ELP4: variants seen among roughly 807,000 people sequenced by gnomAD.
The protein encoded by ELP4 is elongator acetyltransferase complex subunit 4, also known as elongator complex protein 4.
In ELP4, 51 loss-of-function variants were observed where a neutral mutation model predicts 48.9. The observed-to-expected ratio is 1.04, with a 90% CI of 0.83 to 1.32. ELP4 has a LOEUF of 1.32. Ranked by LOEUF, ELP4 falls within the 40% of genes most tolerant of loss-of-function variation. ELP4 has a pLI of 0.00. For synonymous variants in ELP4, 210 were observed against 189.2 expected (o/e 1.11, Z -0.90); for missense variants, 519 against 514.6 (o/e 1.01, Z -0.08).
intron 9 of ELP4, among the ~76,000 whole-genome samples, chr11:31,755,228 TAATA>T (rs1947808598): frequency 6.6e-6 from 1 of 152,198 alleles, no homozygotes; most frequent in East Asian, 1.9e-4. Flanking sequence ...CATACTATTG[TAATA>T]AATAAATTAA....
intron 9 of ELP4, among the ~76,000 whole-genome samples, chr11:31,655,112 A>ATT (rs1222056379): frequency 6.6e-6 from 1 of 151,966 alleles, no homozygotes; most frequent in Non-Finnish European, 1.5e-5. Context: ...TGGAAATCTA[A>ATT]TTTTTTACAT....
At chr11:31,637,641 T>G (rs777457311) in intron 7 of ELP4, among the ~76,000 whole-genome samples, 10 of 151,982 alleles carry the variant, frequency 6.6e-5, no homozygotes, top group Non-Finnish European at 1.2e-4. Flanking sequence ...GTGGTAACTT[T>G]AAAGCAGTTA....
intron 4 of ELP4, among the ~76,000 whole-genome samples, chr11:31,603,353 G>T (rs1957815652): frequency 6.6e-6 from 1 of 151,788 alleles, no homozygotes; most frequent in South Asian, 2.1e-4. Context: ...CCTCTTACCA[G>T]TGAATTAATT....
intron 4 of ELP4, 79 bp from the exon 5 acceptor site, chr11:31,603,689 T>G: frequency 1.4e-6 from 2 of 1,443,454 alleles, no homozygotes; most frequent in South Asian, 2.7e-5. Flanking sequence ...AATATGCCAT[T>G]GTTTTGCTGG....
chr11:31,780,668 T>C (rs1293806887), intron 9 of ELP4: 1 of 152,212 alleles, frequency 6.6e-6, no homozygotes, highest in Admixed American at 6.5e-5. Context: ...TTAGCTACTT[T>C]TTCTCTGAAG....
intron 9 of ELP4, among the ~76,000 whole-genome samples, chr11:31,760,777 G>A (rs1006462817): frequency 4.6e-5 from 7 of 152,092 alleles, no homozygotes; most frequent in African/African-American, 7.2e-5. Context: ...ACCCTATTAC[G>A]TTATGATTAT....
At chr11:31,782,069 A>C (rs1948389828) in intron 9 of ELP4, among the ~76,000 whole-genome samples, 1 of 152,136 alleles carries the variant, frequency 6.6e-6, no homozygotes, top group Admixed American at 6.5e-5. Context: ...TTGATCATGC[A>C]TTTGTATAAT....
intron 9 of ELP4, among the ~76,000 whole-genome samples, chr11:31,741,675 A>G (rs1260204296): frequency 6.6e-6 from 1 of 152,246 alleles, no homozygotes; most frequent in African/African-American, 2.4e-5. Context: ...ACAGACCTAC[A>G]GCTGAGGGTC....
intron 9 of ELP4, among the ~76,000 whole-genome samples, chr11:31,722,044 T>C (rs1946973059): frequency 6.6e-6 from 1 of 152,126 alleles, no homozygotes; most frequent in African/African-American, 2.4e-5. Flanking sequence ...TTGTGGAAAA[T>C]ACTGATTGAT....
At chr11:31,732,643 T>A (rs547911101) in intron 9 of ELP4, among the ~76,000 whole-genome samples, 5 of 152,196 alleles carry the variant, frequency 3.3e-5, no homozygotes, top group African/African-American at 1.2e-4. Flanking sequence ...AAAAATAACA[T>A]CCAACTATAT....
intron 9 of ELP4, among the ~76,000 whole-genome samples, chr11:31,743,890 T>TAAAA (rs1196893804): frequency 3.3e-5 from 5 of 151,826 alleles, no homozygotes; most frequent in African/African-American, 4.8e-5. Context: ...AAGAAATAAC[T>TAAAA]TAGAGCAGAA....
At chr11:31,591,342 C>T (rs1454285953) in intron 3 of ELP4, among the ~76,000 whole-genome samples, 1 of 134,928 alleles carries the variant, frequency 7.4e-6, no homozygotes, top group Non-Finnish European at 1.5e-5. Flanking sequence ...AGAGGTGGAG[C>T]TTGCAGTGAG....
intron 9 of ELP4, among the ~76,000 whole-genome samples, chr11:31,773,657 A>G (rs981952461): frequency 7.2e-5 from 11 of 152,338 alleles, no homozygotes; most frequent in Admixed American, 7.2e-4. Flanking sequence ...ACACAAAAAT[A>G]AATGGTCTCC....
intron 3 of ELP4, among the ~76,000 whole-genome samples, chr11:31,556,705 A>G (rs1341651789): frequency 6.6e-6 from 1 of 151,912 alleles, no homozygotes; most frequent in Non-Finnish European, 1.5e-5. Context: ...TAAGATCGAG[A>G]GCAAAACATA....
chr11:31,597,305 TA>T (rs2133992947), intron 4 of ELP4, among the ~76,000 whole-genome samples: 1 of 152,268 alleles, frequency 6.6e-6, no homozygotes, highest in African/African-American at 2.4e-5. Context: ...ACATTTGTTT[TA>T]AAAAATAGAA....
intron 9 of ELP4, chr11:31,654,908 G>A (rs1945397092): frequency 6.6e-6 from 1 of 151,814 alleles, no homozygotes; most frequent in Non-Finnish European, 1.5e-5. Context: ...TGGCTTGGGA[G>A]CCTTCTTAAG....
intron 9 of ELP4, among the ~76,000 whole-genome samples, chr11:31,682,382 G>T (rs550095050): frequency 6.6e-6 from 1 of 152,104 alleles, no homozygotes; most frequent in Non-Finnish European, 1.5e-5. Flanking sequence ...GCACTACTTC[G>T]GTCACACTTC....
chr11:31,731,567 G>GCTGTGTGTGT (rs1947185882), intron 9 of ELP4, among the ~76,000 whole-genome samples: 1 of 142,760 alleles, frequency 7.0e-6, no homozygotes, highest in African/African-American at 2.7e-5. Context: ...CCATTAAGCA[G>GCTGTGTGTGT]GTGTGTGTGT....
chr11:31,582,443 ACT>A lies in ELP4; in HGVS notation c.382-12326_382-12325del, dbSNP rs562812740. Among the ~76,000 whole-genome samples, 735 of 152,062 alleles carry A rather than the reference ACT, an allele frequency of 4.8e-3. 2 individuals are homozygous for A. Among genetic ancestry groups the A allele is most frequent in the Admixed American group, 8.0e-3 (122 of 15,272 alleles). On this transcript the variant is annotated intron_variant, in intron 3 of 9. Transcript: ENST00000640961. Reference sequence around the variant, plus strand: ...GCTATTACATTTTTAATTTCTGCACACTGTTTTTTTCCAGATGTTTTCTTTTT... The same window carrying A: ...GCTATTACATTTTTAATTTCTGCACAGTTTTTTTCCAGATGTTTTCTTTTT...
Sources: allele counts gnomAD v4.1 joint callset (sites outside exome capture counted in the v4.1 genomes callset), GRCh38; gene constraint gnomAD v4.1.1; transcripts MANE v1.5; gene names NCBI Gene and HGNC (gene_info 2026-07-23, HGNC 2026-07-21).